Variants in SOX6 observed in about 807,000 individuals in gnomAD.
SOX6 encodes SRY-box transcription factor 6.
In SOX6, 11 loss-of-function variants were observed where a neutral mutation model predicts 97.8. The observed-to-expected ratio is 0.11, with a 90% CI of 0.07 to 0.19. The LOEUF is 0.19. Ranked by LOEUF, SOX6 falls within the 10% of genes least tolerant of loss-of-function variation. The probability of loss-of-function intolerance (pLI) is 1.00; values close to 1 mark genes in which losing one functional copy is unlikely to be tolerated. For missense variants in SOX6, 810 were observed against 1,039.5 expected, an observed-to-expected ratio of 0.78 and a Z score of 3.04; for synonymous variants, 360 against 371.4, an observed-to-expected ratio of 0.97 and a Z score of 0.35.
intron 1 of SOX6, among the ~76,000 whole-genome samples, chr11:16,411,877 T>G (rs1284473199): frequency 3.3e-5 from 5 of 152,206 alleles, no homozygotes; most frequent in Admixed American, 6.5e-5. Flanking sequence ...GAAGCAAATC[T>G]ATTAACAATT....
chr11:16,205,309 T>A, intron 4 of SOX6, among the ~76,000 whole-genome samples: 1 of 152,110 alleles, frequency 6.6e-6, no homozygotes, highest in Admixed American at 6.6e-5. Flanking sequence ...CAGTTACATA[T>A]GGGCTTTGAA....
chr11:16,703,508 G>T (rs185051689), intron 3 of SOX6, among the ~76,000 whole-genome samples: 56 of 152,092 alleles, frequency 3.7e-4, no homozygotes, highest in South Asian at 8.3e-4. Context: ...AAATTACAAA[G>T]ACAGTTTTTG....
chr11:16,319,158 C>T (rs185932760), intron 2 of SOX6, among the ~76,000 whole-genome samples: 177 of 152,244 alleles, frequency 1.2e-3, no homozygotes, highest in Non-Finnish European at 2.0e-3. Flanking sequence ...GTTCATTGTT[C>T]ACCAGAAAAT....
chr11:16,414,208 C>T (rs578042541), intron 1 of SOX6, among the ~76,000 whole-genome samples: 47 of 152,250 alleles, frequency 3.1e-4, no homozygotes, highest in Non-Finnish European at 5.7e-4. Flanking sequence ...GTGCCAATTC[C>T]TTCTTTTTGT....
chr11:16,428,627 G>A (rs1436419419), intron 1 of SOX6, among the ~76,000 whole-genome samples: 1 of 152,148 alleles, frequency 6.6e-6, no homozygotes, highest in African/African-American at 2.4e-5. Context: ...TCATAGATCA[G>A]ATAGTTGTAG....
At chr11:16,281,966 CA>C (rs1854576361) in intron 3 of SOX6, among the ~76,000 whole-genome samples, 1 of 119,516 alleles carries the variant, frequency 8.4e-6, no homozygotes, top group Non-Finnish European at 1.7e-5. Context: ...TATAAAATCA[CA>C]TATATATAAA....
chr11:16,637,191 ATTC>A (rs1267564110), intron 3 of SOX6, among the ~76,000 whole-genome samples: 7 of 151,902 alleles, frequency 4.6e-5, no homozygotes, highest in Admixed American at 4.6e-4. Flanking sequence ...TAGATTTACT[ATTC>A]TTCTTATTCC....
At chr11:16,239,842 C>T (rs997110373) in intron 3 of SOX6, among the ~76,000 whole-genome samples, 1 of 151,942 alleles carries the variant, frequency 6.6e-6, no homozygotes. Context: ...TTGTCCTGGT[C>T]CTAATTTTTC....
At chr11:16,718,125 A>T (rs1254881583) in intron 2 of SOX6, among the ~76,000 whole-genome samples, 4 of 151,924 alleles carry the variant, frequency 2.6e-5, no homozygotes, top group Non-Finnish European at 4.4e-5. Context: ...AACAGCTAAG[A>T]TAGGACTGCT....
rs114095970 is a variant in SOX6, at chr11:16,375,204, C to T, written c.-4-33952G>A. ...GCTTTTTCAAACTTTCTAGCCCACA[C>T]CAATTAATTTGCCACCCAACGCATT... On this transcript the variant is annotated intron_variant, in intron 1 of 15. Transcript: ENST00000396356. Among the ~76,000 whole-genome samples, 1,105 of 152,168 alleles carry T rather than the reference C, an allele frequency of 7.3e-3. 17 individuals carry two copies. Among genetic ancestry groups the T allele is most frequent in the African/African-American group, 0.024 (988 of 41,534 alleles).
chr11:16,060,917 G>C (rs1847932890), intron 9 of SOX6, among the ~76,000 whole-genome samples: 1 of 151,758 alleles, frequency 6.6e-6, no homozygotes, highest in African/African-American at 2.4e-5. Flanking sequence ...ATTTTTGAAT[G>C]CTTAGCACCA....
At chr11:16,369,400 A>G (rs1857445240) in intron 1 of SOX6, among the ~76,000 whole-genome samples, 1 of 152,116 alleles carries the variant, frequency 6.6e-6, no homozygotes. Context: ...AACATACTAT[A>G]TAATATACTT....
rs149985234 is a variant in SOX6, at chr11:16,633,393, T to G, written n.430-21133A>C. Among the ~76,000 whole-genome samples, 107 of 152,338 alleles carry G rather than the reference T, an allele frequency of 7.0e-4. No individual in the cohort carries two copies. In the East Asian group the frequency reaches 8.1e-3, roughly 12 times the overall value. ...CTCTGAAACAGTTTAAAATCAGAAT[T>G]ACTGCCACTTCCAGTATGGGGAAGT... On this transcript the variant is annotated intron_variant and non_coding_transcript_variant, in intron 3 of 5. Coordinates refer to the SOX6 transcript ENST00000524520.
intron 2 of SOX6, among the ~76,000 whole-genome samples, chr11:16,330,294 C>T (rs1856246824): frequency 6.6e-6 from 1 of 152,158 alleles, no homozygotes; most frequent in Admixed American, 6.5e-5. Flanking sequence ...TGGCTCATGC[C>T]TATAATCCCA....
intron 3 of SOX6, among the ~76,000 whole-genome samples, chr11:16,691,633 C>CA (rs1647763308): frequency 6.6e-6 from 1 of 152,066 alleles, no homozygotes; most frequent in South Asian, 2.1e-4. Flanking sequence ...CCCATCTCTA[C>CA]AAAAAATACA....
In SOX6 at chr11:15,967,413, T is replaced by C. The variant is rs767767487; in HGVS notation, c.*5396A>G. On this transcript the variant is annotated 3_prime_UTR_variant, in exon 16 of 16. Coordinates refer to ENST00000683767, the MANE Select transcript of SOX6 (RefSeq NM_001367873.1). ...GTGAATTGTGCTGATTAAATTAACA[T>C]AGAATACAATTTCACAATATACATC... 6.6e-6 allele frequency: 1 copy of C among 152,180 alleles called. No individual in the cohort carries two copies. Among genetic ancestry groups the C allele is most frequent in the Non-Finnish European group, 1.5e-5 (1 of 68,022 alleles). The allele number at this position is 152,180 out of a possible 1,614,324, so 9.4% of individuals were successfully genotyped here.
chr11:16,606,869 C>G (rs1172622631), intron 4 of SOX6, among the ~76,000 whole-genome samples: 2 of 152,186 alleles, frequency 1.3e-5, no homozygotes, highest in East Asian at 3.9e-4. Flanking sequence ...CCACGCAGAT[C>G]TGTCACTCCG....
chr11:16,473,525 T>C (rs1472537492), intron 1 of SOX6, among the ~76,000 whole-genome samples: 1 of 151,572 alleles, frequency 6.6e-6, no homozygotes, highest in Non-Finnish European at 1.5e-5. Flanking sequence ...TGCTGAAGGT[T>C]GGAGTGGCTG....
chr11:16,319,611 C>A (rs770196603), intron 2 of SOX6, among the ~76,000 whole-genome samples: 3 of 150,676 alleles, frequency 2.0e-5, no homozygotes, highest in Non-Finnish European at 2.9e-5. Flanking sequence ...TTTGTCCTTG[C>A]GATAGTTTGC....
Sources: allele counts gnomAD v4.1 joint callset (sites outside exome capture counted in the v4.1 genomes callset), GRCh38; gene constraint gnomAD v4.1.1; transcripts MANE v1.5; gene names NCBI Gene and HGNC (gene_info 2026-07-23, HGNC 2026-07-21).